CLVS1: variants seen among roughly 807,000 people sequenced by gnomAD.
The protein encoded by CLVS1 is clavesin-1.
In CLVS1, 10 loss-of-function variants were observed where a neutral mutation model predicts 33.1. That is an observed-to-expected ratio of 0.30 (90% CI 0.19 to 0.51). The LOEUF is 0.51. Ranked by LOEUF, CLVS1 falls within the 20% of genes least tolerant of loss-of-function variation. CLVS1 has a pLI of 0.97. For synonymous variants in CLVS1, 163 were observed against 166.1 expected, an observed-to-expected ratio of 0.98 and a Z score of 0.14; for missense variants, 343 against 433.4, an observed-to-expected ratio of 0.79 and a Z score of 1.85.
chr8:61,352,449 T>G (rs867853019), intron 2 of CLVS1, among the ~76,000 whole-genome samples: 11 of 152,162 alleles, frequency 7.2e-5, no homozygotes, highest in African/African-American at 2.4e-4. Context: ...AAAATAATTA[T>G]GCCAAATGCC....
At chr8:61,341,476 A>G (rs1422227973) in intron 2 of CLVS1, among the ~76,000 whole-genome samples, 1 of 152,196 alleles carries the variant, frequency 6.6e-6, no homozygotes, top group East Asian at 1.9e-4. Context: ...CCCAAATCAT[A>G]GGCACAGCTT....
intron 5 of CLVS1, among the ~76,000 whole-genome samples, chr8:61,475,311 A>C (rs1817880910): frequency 6.6e-6 from 1 of 152,244 alleles, no homozygotes. Flanking sequence ...GTATATACCC[A>C]GTAATGGGAT....
rs114242413 is a variant in CLVS1 at position 61,210,387 on chromosome 8, A to G, written c.-152+78527A>G. 4.4e-3 allele frequency among the ~76,000 whole-genome samples: 677 copies of G among 152,372 alleles called. 9 individuals carry two copies. Among genetic ancestry groups the G allele is most frequent in the African/African-American group, 0.015 (641 of 41,584 alleles). On this transcript the variant is annotated intron_variant, in intron 2 of 2. Coordinates refer to the CLVS1 transcript ENST00000522621. ...CCCCCAGGCCTCAGAACTGTGAGAA[A>G]TAAATTTCTGTCATTGATAAATTAC... is the stretch of plus-strand genomic sequence containing the variant.
chr8:61,121,972 T>C (rs1350202834), intron 1 of CLVS1, among the ~76,000 whole-genome samples: 1 of 152,104 alleles, frequency 6.6e-6, no homozygotes, highest in Non-Finnish European at 1.5e-5. Flanking sequence ...CTCAACACAG[T>C]GGGAGGTAAA....
chr8:61,019,248 C>G, the CLVS1 span, among the ~76,000 whole-genome samples: 1 of 152,218 alleles, frequency 6.6e-6, no homozygotes, highest in Admixed American at 6.5e-5. Context: ...TCTCTCAACT[C>G]CTGGCAAGGA....
intron 2 of CLVS1, among the ~76,000 whole-genome samples, chr8:61,218,198 C>G (rs181360719): frequency 2.0e-4 from 30 of 152,306 alleles, no homozygotes; most frequent in African/African-American, 6.7e-4. Flanking sequence ...GACATCTGCA[C>G]CTCCATGTTT....
intron 5 of CLVS1, among the ~76,000 whole-genome samples, chr8:61,476,973 T>A (rs1229913074): frequency 6.6e-6 from 1 of 152,224 alleles, no homozygotes; most frequent in Non-Finnish European, 1.5e-5. Flanking sequence ...ATACATCCCA[T>A]CAATACCTAA....
intron 1 of CLVS1, among the ~76,000 whole-genome samples, chr8:61,090,541 G>T (rs77272137): frequency 6.6e-6 from 1 of 151,864 alleles, no homozygotes; most frequent in Non-Finnish European, 1.5e-5. Flanking sequence ...AAAAAAAAGC[G>T]TGATTCCAAG....
the CLVS1 span, chr8:60,966,636 G>A: frequency 4.6e-6 from 1 of 217,084 alleles, no homozygotes; most frequent in Admixed American, 5.3e-5. Context: ...CCATCATTTG[G>A]GGAATAGAGA....
chr8:61,485,094 G>T (rs1803824124), intron 5 of CLVS1, among the ~76,000 whole-genome samples: 1 of 151,874 alleles, frequency 6.6e-6, no homozygotes, highest in African/African-American at 2.4e-5. Flanking sequence ...ATTGACAAAT[G>T]GTATCTAATT....
the CLVS1 span, among the ~76,000 whole-genome samples, chr8:61,010,431 G>T: frequency 1.3e-5 from 2 of 152,134 alleles, no homozygotes; most frequent in East Asian, 3.8e-4. Context: ...AGTTGTATGG[G>T]ATACACTTAT....
intron 5 of CLVS1, among the ~76,000 whole-genome samples, chr8:61,485,021 G>A (rs1438331573): frequency 6.6e-6 from 1 of 152,152 alleles, no homozygotes; most frequent in Non-Finnish European, 1.5e-5. Flanking sequence ...TACCATTCAG[G>A]ACATAGGCAT....
At chr8:61,486,383 C>G (rs1186577537) in intron 5 of CLVS1, among the ~76,000 whole-genome samples, 1 of 152,190 alleles carries the variant, frequency 6.6e-6, no homozygotes, top group Non-Finnish European at 1.5e-5. Context: ...TACAAGAACT[C>G]ATCTAGTTAG....
chr8:61,361,203 C>T (rs918528163), intron 2 of CLVS1, among the ~76,000 whole-genome samples: 5 of 152,150 alleles, frequency 3.3e-5, no homozygotes, highest in African/African-American at 4.8e-5. Context: ...CCCACCAGGC[C>T]CCACCTCCAA....
chr8:61,012,009 G>T, the CLVS1 span, among the ~76,000 whole-genome samples: 1 of 152,188 alleles, frequency 6.6e-6, no homozygotes. Flanking sequence ...GGCCAGTGTG[G>T]CAAGGCACAC....
At chr8:61,392,500 C>T (rs1375543942) in intron 3 of CLVS1, among the ~76,000 whole-genome samples, 1 of 152,134 alleles carries the variant, frequency 6.6e-6, no homozygotes, top group East Asian at 1.9e-4. Context: ...CCACTGGTAC[C>T]TCAGCCTGTA....
intron 2 of CLVS1, among the ~76,000 whole-genome samples, chr8:61,223,184 G>A (rs968407410): frequency 6.6e-6 from 1 of 152,010 alleles, no homozygotes; most frequent in Non-Finnish European, 1.5e-5. Context: ...TACATTTAAG[G>A]TTTGTACTGT....
intron 2 of CLVS1, among the ~76,000 whole-genome samples, chr8:61,241,284 G>T (rs1808692577): frequency 6.6e-6 from 1 of 152,084 alleles, no homozygotes; most frequent in African/African-American, 2.4e-5. Flanking sequence ...TGCTTTTTCT[G>T]CATCAATTAA....
chr8:61,089,095 C>G (rs1316336013), intron 1 of CLVS1, among the ~76,000 whole-genome samples: 1 of 152,134 alleles, frequency 6.6e-6, no homozygotes, highest in Non-Finnish European at 1.5e-5. Flanking sequence ...GCCACCGGGC[C>G]CGGCCTAGAC....
Sources: allele counts gnomAD v4.1 joint callset (sites outside exome capture counted in the v4.1 genomes callset), GRCh38; gene constraint gnomAD v4.1.1; transcripts MANE v1.5; gene names NCBI Gene and HGNC (gene_info 2026-07-23, HGNC 2026-07-21).